The following INO80 variants were observed in gnomAD, a reference collection of about 807,000 sequenced individuals.
INO80 encodes the protein chromatin-remodeling ATPase INO80.
In INO80, 20 loss-of-function variants were observed where a neutral mutation model predicts 203.4. That is an observed-to-expected ratio of 0.10 (90% CI 0.07 to 0.14). The LOEUF (loss-of-function observed/expected upper bound fraction) is 0.14. INO80 is among the 10% of genes least tolerant of loss of function. INO80 has a pLI of 1.00. For synonymous variants in INO80, 726 were observed against 685.2 expected, an observed-to-expected ratio of 1.06 and a Z score of -0.93; for missense variants, 1,419 against 1,914.4, an observed-to-expected ratio of 0.74 and a Z score of 4.83.
At chr15:41,089,743 C>CAA (rs796081701) in intron 5 of INO80, among the ~76,000 whole-genome samples, 1 of 112,990 alleles carries the variant, frequency 8.9e-6, no homozygotes. Context: ...AACTCAATCT[C>CAA]AAAAAAAAAA....
intron 7 of INO80, among the ~76,000 whole-genome samples, chr15:41,083,249 C>T (rs1375406707): frequency 6.7e-6 from 1 of 149,284 alleles, no homozygotes; most frequent in Non-Finnish European, 1.5e-5. Context: ...CGCACTCCAG[C>T]CTGGGCGACA....
intron 1 of INO80, among the ~76,000 whole-genome samples, chr15:41,112,214 C>T (rs1406002057): frequency 2.6e-5 from 4 of 152,040 alleles, no homozygotes; most frequent in Non-Finnish European, 4.4e-5. Flanking sequence ...AAATACTCTT[C>T]AAAATATTTT....
At chr15:40,992,368 G>A (rs74014733) in intron 29 of INO80, among the ~76,000 whole-genome samples, 5,415 of 152,278 alleles carry the variant, frequency 0.036, 270 homozygotes, top group African/African-American at 0.11. Flanking sequence ...AGCATATACA[G>A]TGACACAGTA....
At chr15:41,026,966 A>C (rs2044384024) in intron 25 of INO80, among the ~76,000 whole-genome samples, 2 of 152,266 alleles carry the variant, frequency 1.3e-5, no homozygotes, top group Non-Finnish European at 2.9e-5. Flanking sequence ...ACAACTGCTA[A>C]AGTTGAAACC....
At chr15:41,101,216 T>A (rs553696096) in intron 1 of INO80, among the ~76,000 whole-genome samples, 1 of 152,288 alleles carries the variant, frequency 6.6e-6, no homozygotes, top group African/African-American at 2.4e-5. Flanking sequence ...GCTGCTGCAA[T>A]AACCACTTTC....
chr15:41,066,831 G>GAAAAAAAAAAAAAAAA (rs11476914), intron 14 of INO80, among the ~76,000 whole-genome samples: 1 of 85,732 alleles, frequency 1.2e-5, no homozygotes, highest in African/African-American at 4.6e-5. Flanking sequence ...ATGTCTCTAA[G>GAAAAAAAAAAAAAAAA]AAAAAAAAAA....
At chr15:41,115,106 T>C (rs545033968) in intron 1 of INO80, among the ~76,000 whole-genome samples, 1 of 152,192 alleles carries the variant, frequency 6.6e-6, no homozygotes, top group Non-Finnish European at 1.5e-5. Flanking sequence ...GAGGAAATAA[T>C]GAAAGTCACT....
chr15:41,080,665 G>C (rs1198191998), intron 8 of INO80, among the ~76,000 whole-genome samples: 1 of 152,130 alleles, frequency 6.6e-6, no homozygotes, highest in African/African-American at 2.4e-5. Context: ...AGACCAGCCT[G>C]GCCAACATGG....
At chr15:41,089,380 T>C (rs2045602528) in intron 5 of INO80, among the ~76,000 whole-genome samples, 2 of 152,194 alleles carry the variant, frequency 1.3e-5, no homozygotes, top group South Asian at 4.1e-4. Flanking sequence ...ACTTTGGACC[T>C]TAACTAATTG....
intron 28 of INO80, among the ~76,000 whole-genome samples, chr15:41,004,089 G>C (rs572061393): frequency 6.6e-6 from 1 of 152,184 alleles, no homozygotes; most frequent in Admixed American, 6.5e-5. Flanking sequence ...GGAATAAGGA[G>C]GCACAATGCT....
At chr15:41,009,356 A>G (rs896638958) in intron 27 of INO80, among the ~76,000 whole-genome samples, 3 of 148,156 alleles carry the variant, frequency 2.0e-5, no homozygotes, top group South Asian at 2.2e-4. Context: ...AGCATTAGGT[A>G]TATCTCCCAA....
At chr15:41,114,580 C>T (rs989889043) in intron 1 of INO80, among the ~76,000 whole-genome samples, 1 of 151,270 alleles carries the variant, frequency 6.6e-6, no homozygotes, top group African/African-American at 2.4e-5. Flanking sequence ...GTGGTGGCAG[C>T]CGCCTGTAAT....
rs1212710876 is a variant in INO80, at chr15:41,008,279, A to C, written c.3403-2592T>G. ...CGAATATTATTCAGCCTTAAAAAGA[A>C]GGAAATCAACATGAATAAACCTGAT... On this transcript the variant is annotated intron_variant, in intron 27 of 35. Transcript: ENST00000648947. 7.2e-5 allele frequency among the ~76,000 whole-genome samples: 11 copies of C among 151,826 alleles called. No individual in the cohort carries two copies. In the East Asian group the frequency reaches 2.1e-3, roughly 29 times the overall value.
chr15:41,071,448 C>CTTTTTTT (rs747609865), intron 12 of INO80, among the ~76,000 whole-genome samples: 3 of 87,058 alleles, frequency 3.4e-5, no homozygotes, highest in Non-Finnish European at 6.5e-5. Context: ...TACTCATTTC[C>CTTTTTTT]TTTTTTTTTT....
chr15:41,047,711 T>C (rs1244668675), intron 22 of INO80, among the ~76,000 whole-genome samples: 2 of 152,324 alleles, frequency 1.3e-5, no homozygotes, highest in African/African-American at 4.8e-5. Context: ...CATATATATA[T>C]GGACCAGACT....
At chr15:41,115,639 G>A (rs2046022095) in intron 1 of INO80, among the ~76,000 whole-genome samples, 1 of 151,532 alleles carries the variant, frequency 6.6e-6, no homozygotes, top group African/African-American at 2.4e-5. Context: ...ACCTACACAC[G>A]TGTTAGCCCG....
chr15:41,032,052 GCACA>G (rs1566919733), intron 24 of INO80, among the ~76,000 whole-genome samples: 19 of 92,668 alleles, frequency 2.1e-4, no homozygotes, highest in African/African-American at 7.8e-4. Context: ...GCACAGCACA[GCACA>G]GCACAGGACA....
intron 25 of INO80, 93 bp from the exon 26 acceptor site, chr15:41,021,218 G>T (rs1229818407): frequency 3.7e-6 from 3 of 810,842 alleles, no homozygotes; most frequent in Non-Finnish European, 6.2e-6. Flanking sequence ...AGACTAATGT[G>T]GATAGTTCTT....
intron 12 of INO80, 149 bp downstream of exon 12, chr15:41,071,700 A>T (rs563265344): frequency 6.7e-5 from 41 of 607,454 alleles, no homozygotes; most frequent in Admixed American, 3.0e-5. Flanking sequence ...ACCTCAGGTG[A>T]TCCGCCTGCC....
Sources: gnomAD v4.1 joint callset for allele counts (sites outside exome capture counted in the v4.1 genomes callset) on GRCh38, gnomAD v4.1.1 for gene constraint, MANE v1.5 for transcripts, NCBI Gene and HGNC (gene_info 2026-07-23, HGNC 2026-07-21) for gene names.